Variants in TMTC1 observed in about 807,000 individuals in gnomAD.
TMTC1 encodes the protein protein O-mannosyl-transferase TMTC1.
A neutral mutation model predicts 104.8 loss-of-function variants in TMTC1; 73 were observed. The observed-to-expected ratio is 0.70, with a 90% CI of 0.58 to 0.85. The LOEUF (loss-of-function observed/expected upper bound fraction) is 0.85. Ranked by LOEUF, TMTC1 falls within the 40% of genes least tolerant of loss-of-function variation. The pLI, the probability that TMTC1 is intolerant of heterozygous loss-of-function variation, is 0.00. For synonymous variants in TMTC1, 434 were observed against 428.7 expected (o/e 1.01, Z -0.15); for missense variants, 1,035 against 1,096.1 (o/e 0.94, Z 0.79).
At chr12:29,558,846 G>C (rs1313507265) in intron 9 of TMTC1, among the ~76,000 whole-genome samples, 1 of 152,196 alleles carries the variant, frequency 6.6e-6, no homozygotes, top group Non-Finnish European at 1.5e-5. Flanking sequence ...ATGAGGCTAT[G>C]ATGAGGGCAA....
chr12:29,558,409 G>C (rs1057196299), intron 9 of TMTC1, among the ~76,000 whole-genome samples: 1 of 152,142 alleles, frequency 6.6e-6, no homozygotes, highest in African/African-American at 2.4e-5. Context: ...AAAGGACAGG[G>C]AAGACAATTT....
At position 29,564,988 on chromosome 12, in the gene TMTC1, G is replaced by A. The variant is rs555223707; in HGVS notation, c.1532+7117C>T. 1.8e-3 allele frequency among the ~76,000 whole-genome samples: 281 copies of A among 152,268 alleles called. 1 individual carries two copies. Among genetic ancestry groups the A allele is most frequent in the African/African-American group, 5.7e-3 (235 of 41,540 alleles). ...GAAAAATGAGCAGGGTAGTAAAAGA[G>A]GAAAATCTGAATTAATCAGGGTTCT... is the stretch of plus-strand genomic sequence containing the variant. On this transcript the variant is annotated intron_variant, in intron 9 of 17. Coordinates refer to ENST00000539277, the MANE Select transcript of TMTC1 (RefSeq NM_001193451.2).
chr12:29,595,646 C>T (rs1298155222), intron 7 of TMTC1, among the ~76,000 whole-genome samples: 2 of 152,216 alleles, frequency 1.3e-5, no homozygotes, highest in Non-Finnish European at 2.9e-5. Flanking sequence ...ACCCAAAGGG[C>T]TGGATGGAGC....
At chr12:29,554,714 C>CA (rs2136250948) in intron 10 of TMTC1, among the ~76,000 whole-genome samples, 1 of 152,110 alleles carries the variant, frequency 6.6e-6, no homozygotes, top group South Asian at 2.1e-4. Context: ...ACAAAAAATA[C>CA]AAAAAGCTTA....
intron 7 of TMTC1, among the ~76,000 whole-genome samples, chr12:29,598,636 T>C (rs1197837928): frequency 2.0e-5 from 3 of 152,254 alleles, no homozygotes; most frequent in Non-Finnish European, 2.9e-5. Flanking sequence ...GTTTTATAGC[T>C]TTCAGTGTAG....
chr12:29,758,710 T>G lies in TMTC1; in HGVS notation c.548A>C (p.Tyr183Ser). Residue 183 changes from tyrosine to serine, a missense_variant, in exon 3 of 18, where the codon TAC becomes TCC. By Grantham distance (144) the Tyr-to-Ser change is moderately radical. Coordinates refer to ENST00000539277, the MANE Select transcript of TMTC1 (RefSeq NM_001193451.2). ...CLLFLLAFLSYNRSLDQGCVG... is the reference protein window; with the variant it reads ...CLLFLLAFLSSNRSLDQGCVG... ...CATTCTTAGCTACACATACCTGTTG[T>G]ACGAGAGAAAGGCCAATAGAAACAG... The G allele has an allele frequency of 6.2e-7, 1 of 1,613,536 alleles. No homozygotes were observed. The highest frequency in any genetic ancestry group is 8.5e-7 in the Non-Finnish European group (1 of 1,179,764).
At chr12:29,760,652 C>T (rs1394797143) in intron 2 of TMTC1, among the ~76,000 whole-genome samples, 1 of 151,932 alleles carries the variant, frequency 6.6e-6, no homozygotes, top group Non-Finnish European at 1.5e-5. Flanking sequence ...GACGTATAAC[C>T]TGAATATAAT....
In TMTC1 at chr12:29,704,189, T is replaced by C. The variant is rs80007842; in HGVS notation, c.938+47477A>G. Among the ~76,000 whole-genome samples, 977 of 152,354 alleles carry C rather than the reference T, an allele frequency of 6.4e-3. 14 individuals are homozygous for C. Among genetic ancestry groups the C allele is most frequent in the African/African-American group, 0.02 (812 of 41,580 alleles). On this transcript the variant is annotated intron_variant, in intron 5 of 17. Transcript: ENST00000539277. Reference sequence around the variant, plus strand: ...CCAACTTCAGTAATAGCTACTTTGATATTTGTAAATCTATTCTTGGTTTTC... The same window carrying C: ...CCAACTTCAGTAATAGCTACTTTGACATTTGTAAATCTATTCTTGGTTTTC...
intron 7 of TMTC1, among the ~76,000 whole-genome samples, chr12:29,591,476 A>G (rs1946279953): frequency 6.6e-6 from 1 of 152,218 alleles, no homozygotes; most frequent in Non-Finnish European, 1.5e-5. Context: ...CTGACACTTC[A>G]CAAAATCAAA....
intron 10 of TMTC1, among the ~76,000 whole-genome samples, chr12:29,551,385 T>A (rs1300021431): frequency 6.6e-6 from 1 of 152,208 alleles, no homozygotes; most frequent in Admixed American, 6.5e-5. Flanking sequence ...CTCCTAATAT[T>A]TTTTAGATAT....
intron 5 of TMTC1, among the ~76,000 whole-genome samples, chr12:29,731,233 T>C (rs1057015841): frequency 2.6e-5 from 4 of 152,228 alleles, no homozygotes; most frequent in Non-Finnish European, 5.9e-5. Flanking sequence ...CTAGGCTCAC[T>C]GCAACCTCCG....
chr12:29,732,258 A>T (rs1942563485), intron 5 of TMTC1, among the ~76,000 whole-genome samples: 1 of 152,224 alleles, frequency 6.6e-6, no homozygotes, highest in South Asian at 2.1e-4. Flanking sequence ...CAAAGGACTG[A>T]CTTTACACAG....
intron 5 of TMTC1, among the ~76,000 whole-genome samples, chr12:29,677,518 C>T (rs1398101860): frequency 6.6e-6 from 1 of 152,222 alleles, no homozygotes; most frequent in Non-Finnish European, 1.5e-5. Context: ...CATCGTTATA[C>T]CGCGGTAGCC....
At chr12:29,606,982 C>A (rs1009561523) in intron 6 of TMTC1, among the ~76,000 whole-genome samples, 9 of 143,742 alleles carry the variant, frequency 6.3e-5, no homozygotes, top group South Asian at 2.2e-4. Context: ...TGCCCCCCCC[C>A]CTCACTCACG....
chr12:29,554,337 T>C (rs571638601), intron 10 of TMTC1, among the ~76,000 whole-genome samples: 2 of 151,716 alleles, frequency 1.3e-5, no homozygotes, highest in South Asian at 4.2e-4. Flanking sequence ...TTGTCTTCAT[T>C]ATCAGTTGTT....
rs189488315 is a variant in TMTC1, at chr12:29,619,694, C to T, written c.1128+13453G>A. 4.0e-3 allele frequency among the ~76,000 whole-genome samples: 602 copies of T among 152,320 alleles called. 1 individual carries two copies. Among genetic ancestry groups the T allele is most frequent in the Middle Eastern group, 6.8e-3 (2 of 294 alleles). On this transcript the variant is annotated intron_variant, in intron 6 of 17. Coordinates refer to ENST00000539277, the MANE Select transcript of TMTC1 (RefSeq NM_001193451.2). ...TCCATAATCTTTCTAAAGTCTGGAG[C>T]TTTAGGTGATAGTTGCAATAGCCAT...
At chr12:29,647,933 C>T (rs930246127) in intron 5 of TMTC1, among the ~76,000 whole-genome samples, 49 of 152,256 alleles carry the variant, frequency 3.2e-4, no homozygotes, top group African/African-American at 1.1e-3. Flanking sequence ...ACTGGTAAGA[C>T]AAAACCAATT....
At chr12:29,655,884 C>T (rs535585522) in intron 5 of TMTC1, among the ~76,000 whole-genome samples, 8 of 152,084 alleles carry the variant, frequency 5.3e-5, no homozygotes, top group Non-Finnish European at 1.0e-4. Flanking sequence ...AACTCTCACC[C>T]GATAATAACT....
At chr12:29,774,160 C>T (rs548004013) in intron 1 of TMTC1, among the ~76,000 whole-genome samples, 19 of 152,268 alleles carry the variant, frequency 1.2e-4, no homozygotes, top group Non-Finnish European at 2.5e-4. Context: ...ACATGGGCCC[C>T]CATGAGTCCC....
Sources: gnomAD v4.1 joint callset for allele counts (sites outside exome capture counted in the v4.1 genomes callset) on GRCh38, gnomAD v4.1.1 for gene constraint, MANE v1.5 for transcripts, NCBI Gene and HGNC (gene_info 2026-07-23, HGNC 2026-07-21) for gene names.